The following SPATA13 variants were observed in gnomAD, a reference collection of about 807,000 sequenced individuals.
The protein encoded by SPATA13 is spermatogenesis-associated protein 13.
Under a neutral mutation model 104.0 loss-of-function variants are expected in SPATA13, and 50 were observed. The ratio of observed to expected loss-of-function variants is 0.48; its 90% CI spans 0.38 to 0.61. SPATA13 has a LOEUF of 0.61. SPATA13 is among the 20% of genes least tolerant of loss of function. The pLI, the probability that SPATA13 is intolerant of heterozygous loss-of-function variation, is 0.00. For missense variants in SPATA13, 1,524 were observed against 1,690.6 expected, an observed-to-expected ratio of 0.90 and a Z score of 1.73; for synonymous variants, 606 against 667.5, an observed-to-expected ratio of 0.91 and a Z score of 1.42.
Position 24,288,259 on chromosome 13 carries a change from C to G in SPATA13, c.2668-740C>G, listed in dbSNP as rs183859515. 2.9e-3 allele frequency among the ~76,000 whole-genome samples: 436 copies of G among 152,310 alleles called. 2 individuals carry two copies. The highest frequency in any genetic ancestry group is 9.8e-3 in the African/African-American group (407 of 41,566). ...TGGTGGGATTGGATTTAAACCCAGG[C>G]AGTCTGCCCCAGAACCTATCCTTTT... On this transcript the variant is annotated intron_variant, in intron 7 of 12. Coordinates refer to ENST00000382108, the MANE Select transcript of SPATA13 (RefSeq NM_001166271.3).
rs113898401 is a variant in SPATA13, at chr13:24,112,706, A to T, written c.-112+95005A>T. ...GGTGCTGATGTCTCAGTCTTCATCT[A>T]CTTTCTCAGTCTTGATCCACAGTTC... is the stretch of plus-strand genomic sequence containing the variant. On this transcript the variant is annotated intron_variant, in intron 3 of 14. Transcript: ENST00000424834. 2.3e-3 allele frequency among the ~76,000 whole-genome samples: 350 copies of T among 152,296 alleles called. 3 individuals are homozygous for T. The highest frequency in any genetic ancestry group is 8.3e-3 in the African/African-American group (343 of 41,552).
chr13:24,214,606 A>T (rs571393651), intron 1 of SPATA13, among the ~76,000 whole-genome samples: 5 of 152,334 alleles, frequency 3.3e-5, no homozygotes, highest in African/African-American at 1.2e-4. Context: ...TCTTAGCCTC[A>T]GCTGCTGCCC....
intron 3 of SPATA13, among the ~76,000 whole-genome samples, chr13:24,142,110 G>GTT (rs35400287): frequency 0.019 from 2,756 of 148,532 alleles, 89 homozygotes; most frequent in African/African-American, 0.064. Flanking sequence ...GTAGGGAAAG[G>GTT]TTTTTTTTTT....
rs565957473 is a variant in SPATA13 at position 24,224,154 on chromosome 13, G to A, written c.1225G>A (p.Val409Ile). 11 of 1,551,656 alleles carry A rather than the reference G, an allele frequency of 7.1e-6. No homozygotes were observed. Among genetic ancestry groups the A allele is most frequent in the Admixed American group, 3.9e-5 (2 of 50,992 alleles). The change falls in exon 2 of 13, where the codon GTA (valine) becomes ATA (isoleucine). Residue 409 changes from valine to isoleucine, a missense_variant. By Grantham distance (29) the Val-to-Ile change is conservative (BLOSUM62 3). Around this residue, in one of 2 missense-constraint regions of SPATA13, gnomAD observed 1,089 missense variants for 1,135.9 expected, o/e 0.96. Coordinates refer to ENST00000382108, the MANE Select transcript of SPATA13 (RefSeq NM_001166271.3). ...GCCCCACCTAGACGCTGACACTGCCGTATTTCCTCTTGAAACCAAAAGTTC... is the reference window on the plus strand; with the variant it reads ...GCCCCACCTAGACGCTGACACTGCCATATTTCCTCTTGAAACCAAAAGTTC... The part of the protein sequence containing the change: ...KGPHLDADTA[V>I]FPLETKSSWA...
intron 2 of SPATA13, among the ~76,000 whole-genome samples, chr13:24,232,024 T>A (rs1872305537): frequency 6.6e-6 from 1 of 152,224 alleles, no homozygotes; most frequent in Admixed American, 6.5e-5. Flanking sequence ...TCAGATAATA[T>A]GATTATTCAG....
chr13:24,157,972 A>G (rs1882313568), upstream of SPATA13, among the ~76,000 whole-genome samples: 1 of 152,338 alleles, frequency 6.6e-6, no homozygotes, highest in South Asian at 2.1e-4. Context: ...ATTTAAGAAA[A>G]TGATGAATGT....
intron 1 of SPATA13, among the ~76,000 whole-genome samples, chr13:24,181,754 C>T (rs1238623311): frequency 3.9e-5 from 4 of 102,062 alleles, no homozygotes; most frequent in Non-Finnish European, 7.8e-5. Context: ...GGCTGTTTTA[C>T]AGTTGACTTT....
chr13:24,296,676 C>T (rs929832893), intron 10 of SPATA13, among the ~76,000 whole-genome samples: 2 of 152,090 alleles, frequency 1.3e-5, no homozygotes, highest in African/African-American at 2.4e-5. Flanking sequence ...TTGGAGGCTC[C>T]GTTTGGGTCA....
intron 1 of SPATA13, among the ~76,000 whole-genome samples, chr13:23,981,931 A>T (rs565023434): frequency 7.5e-4 from 114 of 152,352 alleles, no homozygotes; most frequent in African/African-American, 2.7e-3. Context: ...CTAAAATCAG[A>T]TACCAATTGC....
chr13:24,089,664 T>C (rs911364682), intron 3 of SPATA13, among the ~76,000 whole-genome samples: 3 of 152,234 alleles, frequency 2.0e-5, no homozygotes, highest in African/African-American at 7.2e-5. Context: ...CCATGCGATA[T>C]TTGAATATAG....
intron 1 of SPATA13, among the ~76,000 whole-genome samples, chr13:24,178,346 G>A (rs549521358): frequency 5.9e-5 from 9 of 152,228 alleles, no homozygotes; most frequent in Admixed American, 5.9e-4. Flanking sequence ...ATTATGATAC[G>A]GCTGCAAGGA....
chr13:24,005,334 C>A (rs972771260), intron 2 of SPATA13, among the ~76,000 whole-genome samples: 1 of 152,096 alleles, frequency 6.6e-6, no homozygotes, highest in Non-Finnish European at 1.5e-5. Flanking sequence ...TGTTTAGAGG[C>A]GAGAATTGGA....
At chr13:24,241,760 T>C (rs1256361125) in intron 2 of SPATA13, among the ~76,000 whole-genome samples, 1 of 152,190 alleles carries the variant, frequency 6.6e-6, no homozygotes, top group East Asian at 1.9e-4. Context: ...ACAGAAAGAT[T>C]ATTCCACCAG....
chr13:24,198,535 C>T (rs987561002), intron 1 of SPATA13, among the ~76,000 whole-genome samples: 14 of 152,252 alleles, frequency 9.2e-5, no homozygotes, highest in African/African-American at 3.1e-4. Flanking sequence ...CCCACAGAGG[C>T]GTTGTTGAGT....
intron 2 of SPATA13, among the ~76,000 whole-genome samples, chr13:23,990,418 C>T (rs1269006120): frequency 6.6e-6 from 1 of 152,192 alleles, no homozygotes; most frequent in Non-Finnish European, 1.5e-5. Context: ...TCCTACACTC[C>T]ACTGTTCCCA....
rs1876454254 is a variant in SPATA13, at chr13:24,011,141, G to A, written c.-146-6526G>A. 1.3e-5 allele frequency among the ~76,000 whole-genome samples: 2 copies of A among 152,122 alleles called. No homozygotes were observed. The highest frequency in any genetic ancestry group is 4.8e-5 in the African/African-American group (2 of 41,424). ...CTGGCCGTGGGCCCCTCCCTGTAGA[G>A]CCACACTGCAGGAAAACAAGGCTGC... On this transcript the variant is annotated intron_variant, in intron 2 of 14. Coordinates refer to the SPATA13 transcript ENST00000424834. The surrounding 1 kb of genome is among the most constrained non-coding windows in gnomAD (Gnocchi z 4.3).
rs866229668 is a variant in SPATA13 at position 24,030,087 on chromosome 13, C to T, written c.-112+12386C>T. On this transcript the variant is annotated intron_variant, in intron 3 of 14. Coordinates refer to the SPATA13 transcript ENST00000424834. ...ACACGCACACACACACACACACACACACATACATACATACATACATATACC... is the reference window on the plus strand; with the variant it reads ...ACACGCACACACACACACACACACATACATACATACATACATACATATACC... Among the ~76,000 whole-genome samples, 185 of 124,014 alleles carry T rather than the reference C, an allele frequency of 1.5e-3. 1 individual carries two copies. In the South Asian group the frequency reaches 0.023, roughly 16 times the overall value. 81.4% of individuals were successfully genotyped at this position (124,014 alleles called of 152,430 possible).
At chr13:24,272,180 TG>T (rs1280702078) in intron 4 of SPATA13, among the ~76,000 whole-genome samples, 15 of 151,336 alleles carry the variant, frequency 9.9e-5, no homozygotes, top group Middle Eastern at 6.8e-3. Context: ...CGGGCAGGGG[TG>T]GGGGGCAGGT....
Position 24,161,256 on chromosome 13 carries a change from C to A in SPATA13, c.-112+324C>A, listed in dbSNP as rs560195866. ...GCAGGGAGGTCGCCTTGTAACTTCA[C>A]CCGCGCTCCCAGCTCGCGGGGCCTG... is the stretch of plus-strand genomic sequence containing the variant. On this transcript the variant is annotated intron_variant, in intron 1 of 12. Transcript: ENST00000382108. This position sits in a 1 kb window ranked among gnomAD's most constrained non-coding sequence, Gnocchi z 4.5. Among the ~76,000 whole-genome samples, 72 of 152,250 alleles carry A rather than the reference C, an allele frequency of 4.7e-4. No individual in the cohort carries two copies. Among genetic ancestry groups the A allele is most frequent in the Admixed American group, 1.2e-3 (18 of 15,310 alleles).
Sources: gnomAD v4.1 joint callset for allele counts (sites outside exome capture counted in the v4.1 genomes callset) on GRCh38, gnomAD v4.1.1 for gene constraint, gnomAD v4.1.1 regional missense constraint, Gnocchi (gnomAD v3.1) non-coding constraint, MANE v1.5 for transcripts, NCBI Gene and HGNC (gene_info 2026-07-23, HGNC 2026-07-21) for gene names.